CCDC7: variants seen among roughly 807,000 people sequenced by gnomAD.
CCDC7 encodes coiled-coil domain-containing protein 7.
Under a neutral mutation model 196.9 loss-of-function variants are expected in CCDC7, and 183 were observed. That is an observed-to-expected ratio of 0.93 (90% CI 0.82 to 1.05). CCDC7 has a LOEUF of 1.05. Ranked by LOEUF, CCDC7 falls within the 50% of genes least tolerant of loss-of-function variation. The pLI, the probability that CCDC7 is intolerant of heterozygous loss-of-function variation, is 0.00. For synonymous variants in CCDC7, 525 were observed against 484.6 expected (o/e 1.08, Z -1.10); for missense variants, 1,540 against 1,482.2 (o/e 1.04, Z -0.64).
At position 32,523,549 on chromosome 10, in the gene CCDC7, C is replaced by CA. The variant is rs34147655; in HGVS notation, c.993+5058dup. Among the ~76,000 whole-genome samples, 649 of 130,498 alleles carry CA rather than the reference C, an allele frequency of 5.0e-3. 4 individuals are homozygous for CA. The highest frequency in any genetic ancestry group is 0.011 in the Middle Eastern group (3 of 262). 85.6% of individuals were successfully genotyped at this position (130,498 alleles called of 152,430 possible). A position where few individuals can be genotyped will look rare whatever the true frequency, so the allele number is the denominator to read the frequency against. ...GGGTGACAGAGCAAGACGCTGTCTC[C>CA]AAAAAAAAAAAAAACCGTAGGGTGT... On this transcript the variant is annotated intron_variant, in intron 11 of 41. Coordinates refer to ENST00000639629, the Ensembl canonical transcript of CCDC7.
intron 16 of CCDC7, among the ~76,000 whole-genome samples, chr10:32,580,140 TA>T (rs1446603352): frequency 1.3e-5 from 2 of 152,134 alleles, no homozygotes. Context: ...TTTTTTCTAG[TA>T]AGAGAATAGT....
intron 28 of CCDC7, among the ~76,000 whole-genome samples, chr10:32,769,126 A>G (rs2078766491): frequency 6.6e-6 from 1 of 151,936 alleles, no homozygotes; most frequent in Non-Finnish European, 1.5e-5. Flanking sequence ...CTGTCAATCC[A>G]TCCAGTTCTG....
At chr10:32,755,174 G>C (rs10827124) in intron 28 of CCDC7, among the ~76,000 whole-genome samples, 7 of 152,118 alleles carry the variant, frequency 4.6e-5, no homozygotes, top group Non-Finnish European at 1.5e-5. Flanking sequence ...TGCCTCTGTA[G>C]ACTCCACCTC....
chr10:32,648,631 C>T (rs1159649227), intron 20 of CCDC7, among the ~76,000 whole-genome samples: 1 of 152,204 alleles, frequency 6.6e-6, no homozygotes, highest in Non-Finnish European at 1.5e-5. Context: ...CTCCCACCAA[C>T]AGTGGAAAAG....
At chr10:32,503,476 A>G (rs907272979) in intron 9 of CCDC7, among the ~76,000 whole-genome samples, 1 of 152,186 alleles carries the variant, frequency 6.6e-6, no homozygotes, top group Non-Finnish European at 1.5e-5. Context: ...CACTCCAGGG[A>G]TAAATTCCAC....
At chr10:32,747,661 T>C (rs1266511117) in intron 28 of CCDC7, among the ~76,000 whole-genome samples, 1 of 152,146 alleles carries the variant, frequency 6.6e-6, no homozygotes, top group Non-Finnish European at 1.5e-5. Context: ...CACAATGAGA[T>C]ACCATCTCAT....
intron 20 of CCDC7, among the ~76,000 whole-genome samples, chr10:32,636,075 C>T (rs1432358822): frequency 1.3e-5 from 2 of 152,158 alleles, no homozygotes; most frequent in Admixed American, 6.6e-5. Context: ...AAAGCTTATA[C>T]TTCAACTAGT....
At chr10:32,861,973 G>C (rs1476485973) in intron 41 of CCDC7, among the ~76,000 whole-genome samples, 3 of 152,302 alleles carry the variant, frequency 2.0e-5, no homozygotes, top group Admixed American at 2.0e-4. Flanking sequence ...TGGTGGGACT[G>C]TAAATTAGTT....
intron 2 of CCDC7, among the ~76,000 whole-genome samples, chr10:32,454,709 A>G (rs572892307): frequency 2.0e-5 from 3 of 152,188 alleles, no homozygotes; most frequent in South Asian, 2.1e-4. Flanking sequence ...CTTTCCTCCA[A>G]TGATCTTGTA....
intron 31 of CCDC7, among the ~76,000 whole-genome samples, chr10:32,820,448 A>C (rs2135567670): frequency 6.6e-6 from 1 of 152,350 alleles, no homozygotes; most frequent in South Asian, 2.1e-4. Context: ...CTTTCTTCAC[A>C]GAATTGGAAA....
intron 11 of CCDC7, among the ~76,000 whole-genome samples, chr10:32,539,387 A>G (rs1283799328): frequency 6.6e-6 from 1 of 151,906 alleles, no homozygotes; most frequent in Admixed American, 6.6e-5. Flanking sequence ...CTGCTTTGTC[A>G]TCTCTAATTG....
intron 24 of CCDC7, among the ~76,000 whole-genome samples, chr10:32,707,250 G>A (rs891400659): frequency 6.6e-6 from 1 of 152,164 alleles, no homozygotes; most frequent in African/African-American, 2.4e-5. Context: ...TGCAGAAAAG[G>A]TCTTTGAGAA....
chr10:32,572,482 T>G (rs1051276166), intron 16 of CCDC7, among the ~76,000 whole-genome samples: 2 of 152,170 alleles, frequency 1.3e-5, no homozygotes, highest in Non-Finnish European at 2.9e-5. Flanking sequence ...ATTTTAAATA[T>G]TTATGGATTA....
At chr10:32,790,144 A>G (rs2134597357) in intron 29 of CCDC7, among the ~76,000 whole-genome samples, 1 of 152,158 alleles carries the variant, frequency 6.6e-6, no homozygotes, top group South Asian at 2.1e-4. Context: ...AGTGGTCTAC[A>G]GTTTTGAAAT....
chr10:32,761,155 T>C (rs1269472317), intron 28 of CCDC7, among the ~76,000 whole-genome samples: 1 of 152,024 alleles, frequency 6.6e-6, no homozygotes, highest in Non-Finnish European at 1.5e-5. Context: ...TAATACTACA[T>C]TTATTTGGCT....
At chr10:32,666,269 T>C (rs2072684659) in intron 21 of CCDC7, among the ~76,000 whole-genome samples, 1 of 151,818 alleles carries the variant, frequency 6.6e-6, no homozygotes, top group Non-Finnish European at 1.5e-5. Flanking sequence ...GATAATAATA[T>C]AAATAGCTAT....
intron 15 of CCDC7, among the ~76,000 whole-genome samples, chr10:32,568,165 C>T (rs1325729689): frequency 1.3e-5 from 2 of 151,936 alleles, no homozygotes. Flanking sequence ...CGCCACCATG[C>T]CCGGCTAATT....
chr10:32,844,352 T>C (rs1247570903), intron 33 of CCDC7, among the ~76,000 whole-genome samples: 1 of 151,940 alleles, frequency 6.6e-6, no homozygotes, highest in East Asian at 1.9e-4. Context: ...GATATGAAAG[T>C]CACATTTTCA....
intron 18 of CCDC7, among the ~76,000 whole-genome samples, chr10:32,589,823 A>G (rs2059618873): frequency 6.6e-6 from 1 of 151,948 alleles, no homozygotes; most frequent in African/African-American, 2.4e-5. Flanking sequence ...GTCTCTTCTT[A>G]TAGTTTTTAT....
Sources: gnomAD v4.1 joint callset for allele counts (sites outside exome capture counted in the v4.1 genomes callset) on GRCh38, gnomAD v4.1.1 for gene constraint, MANE v1.5 for transcripts, NCBI Gene and HGNC (gene_info 2026-07-23, HGNC 2026-07-21) for gene names.